Variants in ZNF208 observed in about 807,000 individuals in gnomAD.
ZNF208 encodes zinc finger protein 208.
Under a neutral mutation model 12.1 loss-of-function variants are expected in ZNF208, and 10 were observed. The ratio of observed to expected loss-of-function variants is 0.83; its 90% CI spans 0.51 to 1.40. The LOEUF is 1.40. Ranked by LOEUF, ZNF208 falls within the 40% of genes most tolerant of loss-of-function variation. The probability of loss-of-function intolerance (pLI) is 0.00; values close to 1 mark genes in which losing one functional copy is unlikely to be tolerated. For missense variants in ZNF208, 1,652 were observed against 1,485.0 expected, an observed-to-expected ratio of 1.11 and a Z score of -1.85; for synonymous variants, 497 against 488.4, an observed-to-expected ratio of 1.02 and a Z score of -0.23.
chr19:21,970,894 G>A lies in ZNF208; in HGVS notation c.*297C>T, dbSNP rs4378732. On this transcript the variant is annotated 3_prime_UTR_variant, in exon 4 of 4. Coordinates refer to ENST00000397126, the MANE Select transcript of ZNF208 (RefSeq NM_007153.3). ...CCAGTATGAATTTTCTATGATAACTGAGGGTTGAGGACCACTTATAGGCTT... is the reference window on the plus strand; with the variant it reads ...CCAGTATGAATTTTCTATGATAACTAAGGGTTGAGGACCACTTATAGGCTT... Among the ~76,000 whole-genome samples the A allele has an allele frequency of 0.59, 88,628 of 150,714 alleles. 26,136 individuals carry two copies. The highest frequency in any genetic ancestry group is 0.7 in the East Asian group (3,549 of 5,068).
rs1970329283 is a variant in ZNF208, at chr19:21,972,858, A to T, written c.2176T>A (p.Cys726Ser). Residue 726 changes from cysteine (C) to serine (S), a missense_variant, in exon 4 of 4, where the codon TGT (cysteine) becomes AGT (serine). By Grantham distance (112) the Cys-to-Ser change is moderately radical. Coordinates refer to ENST00000397126, the MANE Select transcript of ZNF208 (RefSeq NM_007153.3). ...TGEKPYKCEE[C>S]GKSFSTFSVL... ...GAGAATGTACTAAAGCTTTTGCCAC[A>T]TTCTTCACATTTGTAGGGTTTCTCT... The T allele has an allele frequency of 6.2e-7, 1 of 1,613,022 alleles. No individual in the cohort carries two copies. Among genetic ancestry groups the T allele is most frequent in the Non-Finnish European group, 8.5e-7 (1 of 1,179,872 alleles).
At chr19:21,945,580 A>G (rs34044431) in intron 4 of ZNF208, among the ~76,000 whole-genome samples, 21,743 of 152,186 alleles carry the variant, frequency 0.14, 1,697 homozygotes, top group Admixed American at 0.22. Context: ...CTCATGTTTC[A>G]CCTTCACCAC....
intron 3 of ZNF208, among the ~76,000 whole-genome samples, chr19:21,981,428 C>T (rs754211415): frequency 3.9e-5 from 6 of 151,996 alleles, no homozygotes; most frequent in East Asian, 1.9e-4. Flanking sequence ...TAAACATAAT[C>T]GCTCACATAA....
chr19:21,967,154 G>A lies in ZNF208; in HGVS notation c.*4037C>T, dbSNP rs1970186435. 1 of 151,252 alleles carries A rather than the reference G, an allele frequency of 6.6e-6. No homozygotes were observed. Among genetic ancestry groups the A allele is most frequent in the African/African-American group, 2.4e-5 (1 of 41,264 alleles). The allele number at this position is 151,252 out of a possible 1,614,324, so 9.4% of individuals were successfully genotyped here. ...CTTTACAGAGGCCAGTATTATCTAA[G>A]TGTTATTCTAAGATTTTTGTAGCTT... On this transcript the variant is annotated 3_prime_UTR_variant, in exon 4 of 4. Transcript: ENST00000397126.
Position 21,988,810 on chromosome 19 carries a change from C to G in ZNF208, c.103G>C (p.Glu35Gln). 1 of 1,614,140 alleles carries G rather than the reference C, an allele frequency of 6.2e-7. No homozygotes were observed. Among genetic ancestry groups the G allele is most frequent in the East Asian group, 2.2e-5 (1 of 44,868 alleles). The change falls in exon 2 of 4, where the codon GAG becomes CAG. Residue 35 changes from glutamate to glutamine, a missense_variant. Around this residue, in one of 3 missense-constraint regions of ZNF208, gnomAD observed 410 missense variants for 378.2 expected, o/e 1.08. Coordinates refer to ENST00000397126, the MANE Select transcript of ZNF208 (RefSeq NM_007153.3). The part of the protein sequence containing the change: ...QQNLYRNVML[E>Q]NYRNLVFLGI... ...AGGAAGACCAGGTTTCTGTAGTTCT[C>G]TAACATCACATTTCTATATAAATTC...
rs769908813 is a variant in ZNF208, at chr19:21,974,634, T to G, written c.400A>C (p.Asn134His). The stretch of plus-strand genomic sequence containing the variant: ...CTCTGTGTAGTTGTCAAACTCTGGT[T>G]AAGTTTATTATAACCTTCTTTGTGC... ...KVHKEGYNKL[N>H]QSLTTTQSKV... Residue 134 changes from asparagine (N) to histidine (H), a missense_variant, in exon 4 of 4, where the codon AAC (asparagine) becomes CAC (histidine). Transcript: ENST00000397126. The G allele has an allele frequency of 6.2e-7, 1 of 1,613,754 alleles. No homozygotes were observed. Among genetic ancestry groups the G allele is most frequent in the South Asian group, 1.1e-5 (1 of 91,058 alleles).
downstream of ZNF208, among the ~76,000 whole-genome samples, chr19:21,965,405 C>T (rs1353606634): frequency 6.6e-6 from 1 of 151,994 alleles, no homozygotes; most frequent in Non-Finnish European, 1.5e-5. Flanking sequence ...ACAAGGAAGG[C>T]AAGAAATGCC....
chr19:21,970,820 G>C lies in ZNF208; in HGVS notation c.*371C>G. On this transcript the variant is annotated 3_prime_UTR_variant, in exon 4 of 4. Transcript: ENST00000397126. ...TTTTCTTATGTTTACTAAAGACTGA[G>C]AACCAGCTGAAGGCTTTGCCACTTT... 1 of 1,468,172 alleles carries C rather than the reference G, an allele frequency of 6.8e-7. No homozygotes were observed. The highest frequency in any genetic ancestry group is 9.5e-7 in the Non-Finnish European group (1 of 1,051,832). The allele number at this position is 1,468,172 out of a possible 1,614,324, so 90.9% of individuals were successfully genotyped here. A position where few individuals can be genotyped will look rare whatever the true frequency, so the allele number is the denominator to read the frequency against.
intron 3 of ZNF208, among the ~76,000 whole-genome samples, chr19:21,978,365 C>T (rs1196601483): frequency 2.0e-5 from 3 of 152,180 alleles, no homozygotes; most frequent in African/African-American, 4.8e-5. Flanking sequence ...ACGAAGCTTC[C>T]AGAGGAAGGA....
chr19:21,974,517 A>T lies in ZNF208; in HGVS notation c.517T>A (p.Leu173Met), dbSNP rs1436317714. 1 of 1,613,668 alleles carries T rather than the reference A, an allele frequency of 6.2e-7. No individual in the cohort carries two copies. The highest frequency in any genetic ancestry group is 1.1e-5 in the South Asian group (1 of 91,066). Residue 173 changes from leucine (L) to methionine (M), a missense_variant, in exon 4 of 4, where the codon TTG becomes ATG. Leu to Met is a conservative substitution (Grantham distance 15). Around this residue, in one of 3 missense-constraint regions of ZNF208, gnomAD observed 410 missense variants for 378.2 expected, o/e 1.08. Coordinates refer to ENST00000397126, the MANE Select transcript of ZNF208 (RefSeq NM_007153.3). ...GATCTGACGTATTCTTTACATTGCAAATGTTTCTTTCCAGTATGCCTTATC... is the reference window on the plus strand; with the variant it reads ...GATCTGACGTATTCTTTACATTGCATATGTTTCTTTCCAGTATGCCTTATC... ...HKIRHTGKKH[L>M]QCKEYVRSFC...
intron 1 of ZNF208, among the ~76,000 whole-genome samples, chr19:22,004,333 T>TG (rs555041614): frequency 2.0e-5 from 3 of 152,078 alleles, no homozygotes; most frequent in Non-Finnish European, 4.4e-5. Flanking sequence ...CTGGCCAACG[T>TG]GGCAAAACCC....
intron 1 of ZNF208, among the ~76,000 whole-genome samples, chr19:22,006,314 TA>T (rs1379599308): frequency 3.9e-5 from 6 of 152,188 alleles, no homozygotes; most frequent in Non-Finnish European, 5.9e-5. Context: ...TTGCAATCCT[TA>T]AAGATCTTAT....
Position 21,973,126 on chromosome 19 carries a change from G to T in ZNF208, c.1908C>A (p.Pro636=), listed in dbSNP as rs1427668778. 9 of 1,613,142 alleles carry T rather than the reference G, an allele frequency of 5.6e-6. No individual in the cohort carries two copies. The Admixed American group carries it at 1.5e-4, about 27-fold the overall frequency. ...TTTTGCCACATTCTTTACATTTGTA[G>T]GGCTTCTCTCCAGCATGAATTGCCT... is the stretch of plus-strand genomic sequence containing the variant. ...THKAIHAGEK[P]YKCKECGKTF... Residue 636 remains proline (P), a synonymous_variant, in exon 4 of 4, where the codon CCC becomes CCA. Coordinates refer to ENST00000397126, the MANE Select transcript of ZNF208 (RefSeq NM_007153.3).
At chr19:21,952,340 A>G (rs993935499) in intron 4 of ZNF208, among the ~76,000 whole-genome samples, 10 of 152,088 alleles carry the variant, frequency 6.6e-5, no homozygotes, top group Non-Finnish European at 1.0e-4. Flanking sequence ...TGGACAGACT[A>G]CCTCCTCAAG....
rs372810605 is a variant in ZNF208, at chr19:22,005,572, T to TTCAG, written c.3+5216_3+5219dup. ...CACCCAGAGTCAGCACAGACCCTGA[T>TTCAG]TCAGGGCTCAGTCCCACAACATTGT... is the stretch of plus-strand genomic sequence containing the variant. On this transcript the variant is annotated intron_variant, in intron 1 of 3. Coordinates refer to ENST00000397126, the MANE Select transcript of ZNF208 (RefSeq NM_007153.3). 2.4e-3 allele frequency among the ~76,000 whole-genome samples: 369 copies of TTCAG among 152,270 alleles called. 1 individual carries two copies. Among genetic ancestry groups the TTCAG allele is most frequent in the African/African-American group, 8.1e-3 (337 of 41,560 alleles).
Position 21,970,625 on chromosome 19 carries a change from G to A in ZNF208, c.*566C>T. On this transcript the variant is annotated 3_prime_UTR_variant, in exon 4 of 4. Transcript: ENST00000397126. ...CATTTGTAGGGCTTCTCACCAGTAT[G>A]AATTCTCTTATGTTCCATAAGGTTT... is the stretch of plus-strand genomic sequence containing the variant. 2 of 965,016 alleles carry A rather than the reference G, an allele frequency of 2.1e-6. No individual in the cohort carries two copies. The highest frequency in any genetic ancestry group is 2.9e-5 in the East Asian group (1 of 34,658). 59.8% of individuals were successfully genotyped at this position (965,016 alleles called of 1,614,324 possible).
intron 1 of ZNF208, among the ~76,000 whole-genome samples, chr19:21,990,720 G>C (rs1970718253): frequency 6.6e-6 from 1 of 152,112 alleles, no homozygotes; most frequent in African/African-American, 2.4e-5. Context: ...TCACGATATT[G>C]ATTCTTCCTA....
chr19:21,965,367 C>T (rs2145534366), downstream of ZNF208, among the ~76,000 whole-genome samples: 1 of 152,096 alleles, frequency 6.6e-6, no homozygotes, highest in African/African-American at 2.4e-5. Flanking sequence ...TTACTTGCTG[C>T]CTTTTCATTT....
At chr19:21,963,403 A>G (rs1371282213), downstream of ZNF208, among the ~76,000 whole-genome samples, 1 of 152,082 alleles carries the variant, frequency 6.6e-6, no homozygotes, top group Non-Finnish European at 1.5e-5. Flanking sequence ...AGTGATATTT[A>G]TAAAAACTTT....
Sources: allele counts gnomAD v4.1 joint callset (sites outside exome capture counted in the v4.1 genomes callset), GRCh38; gene constraint gnomAD v4.1.1; regional missense constraint gnomAD v4.1.1; transcripts MANE v1.5; gene names NCBI Gene and HGNC (gene_info 2026-07-23, HGNC 2026-07-21).